SPRED2: variants seen among roughly 807,000 people sequenced by gnomAD.
The protein encoded by SPRED2 is sprouty related EVH1 domain containing 2.
In SPRED2, 47 loss-of-function variants were observed where a neutral mutation model predicts 43.0. That is an observed-to-expected ratio of 1.09 (90% CI 0.87 to 1.40). SPRED2 has a LOEUF of 1.40. SPRED2 is among the 40% of genes most tolerant of loss of function. The pLI is 0.00. For missense variants in SPRED2, 561 were observed against 586.4 expected (o/e 0.96, Z 0.45); for synonymous variants, 225 against 225.7 (o/e 1.00, Z 0.03).
chr2:65,339,303 G>A (rs539666429), intron 2 of SPRED2, among the ~76,000 whole-genome samples: 80 of 152,128 alleles, frequency 5.3e-4, no homozygotes, highest in East Asian at 4.1e-3. Context: ...GGTGGGGAAA[G>A]GATTGAGAAA....
At chr2:65,334,409 T>G (rs17533992) in intron 3 of SPRED2, 196 bp downstream of exon 3, 78,995 of 644,638 alleles carry the variant, frequency 0.12, 6,643 homozygotes, top group Non-Finnish European at 0.16. Context: ...CTCCTTACTC[T>G]GAAACCCATC....
chr2:65,352,071 T>C (rs1370396576), intron 1 of SPRED2, among the ~76,000 whole-genome samples: 2 of 152,214 alleles, frequency 1.3e-5, no homozygotes, highest in African/African-American at 4.8e-5. Flanking sequence ...ACCACCAAAA[T>C]ATGTACTGTT....
intron 1 of SPRED2, among the ~76,000 whole-genome samples, chr2:65,411,356 C>A (rs1676154543): frequency 6.6e-6 from 1 of 152,138 alleles, no homozygotes; most frequent in Non-Finnish European, 1.5e-5. Context: ...GGTGGGAGGG[C>A]GATTGAATTG....
At chr2:65,387,004 C>A (rs530365340) in intron 1 of SPRED2, among the ~76,000 whole-genome samples, 12 of 148,040 alleles carry the variant, frequency 8.1e-5, no homozygotes, top group African/African-American at 3.0e-4. Context: ...TTAAGTTGAA[C>A]CTGGTTCTAA....
At chr2:65,322,534 C>T (rs1673463133) in intron 4 of SPRED2, among the ~76,000 whole-genome samples, 1 of 151,940 alleles carries the variant, frequency 6.6e-6, no homozygotes, top group Admixed American at 6.6e-5. Context: ...ACCTCGTTAT[C>T]CACCTGCCTT....
Position 65,311,817 on chromosome 2 carries a change from A to G in SPRED2, c.*1684T>C. The stretch of plus-strand genomic sequence containing the variant: ...ATCGATGAGCTTGTGGACGAGCTGG[A>G]AACAGCCCCATGAAGGTGAGCACAG... On this transcript the variant is annotated 3_prime_UTR_variant, in exon 6 of 6. Transcript: ENST00000356388. 1.0e-6 allele frequency: 1 copy of G among 985,500 alleles called. No homozygotes were observed. Among genetic ancestry groups the G allele is most frequent in the Non-Finnish European group, 1.2e-6 (1 of 829,952 alleles). 61.0% of individuals were successfully genotyped at this position (985,500 alleles called of 1,614,324 possible). A position where few individuals can be genotyped will look rare whatever the true frequency, so the allele number is the denominator to read the frequency against.
In SPRED2 at chr2:65,316,882, G is replaced by GT; in HGVS notation, c.439dup (p.Thr147AsnfsTer8). ...GGAATTAGAAGAACTGTCTGTAGCTGTCTGTGTAGAGGGAGGTAACCAAGA... is the reference window on the plus strand; with the variant it reads ...GGAATTAGAAGAACTGTCTGTAGCTGTTCTGTGTAGAGGGAGGTAACCAAGA... On this transcript the variant is annotated frameshift_variant and splice_region_variant, in exon 5 of 6. Coordinates refer to ENST00000356388, the MANE Select transcript of SPRED2 (RefSeq NM_181784.3). LOFTEE classifies it high-confidence loss of function. 1 of 1,613,680 alleles carries GT rather than the reference G, an allele frequency of 6.2e-7. No homozygotes were observed.
Position 65,311,760 on chromosome 2 carries a change from T to C in SPRED2, c.*1741A>G. On this transcript the variant is annotated 3_prime_UTR_variant, in exon 6 of 6. Transcript: ENST00000356388. ...TCTACTAACTGACTCATAAGCACACTGGGTATTTACACCGGTAATCTACTA... is the reference window on the plus strand; with the variant it reads ...TCTACTAACTGACTCATAAGCACACCGGGTATTTACACCGGTAATCTACTA... 1 of 985,458 alleles carries C rather than the reference T, an allele frequency of 1.0e-6. No homozygotes were observed. Among genetic ancestry groups the C allele is most frequent in the Non-Finnish European group, 1.2e-6 (1 of 829,936 alleles). The allele number at this position is 985,458 out of a possible 1,614,324, so 61.0% of individuals were successfully genotyped here.
chr2:65,416,506 T>C (rs1421831246), intron 1 of SPRED2, among the ~76,000 whole-genome samples: 1 of 152,152 alleles, frequency 6.6e-6, no homozygotes, highest in Non-Finnish European at 1.5e-5. Flanking sequence ...CCTCACAGTT[T>C]AGCCTCACAA....
intron 1 of SPRED2, among the ~76,000 whole-genome samples, chr2:65,367,644 C>T (rs1675013139): frequency 6.6e-6 from 1 of 152,128 alleles, no homozygotes; most frequent in South Asian, 2.1e-4. Flanking sequence ...GTGAGTGTTG[C>T]ATCAACCTCC....
chr2:65,404,410 C>T (rs2103737324), intron 1 of SPRED2, among the ~76,000 whole-genome samples: 1 of 152,314 alleles, frequency 6.6e-6, no homozygotes, highest in East Asian at 1.9e-4. Flanking sequence ...GTATATACTA[C>T]TTGTCTATGC....
intron 1 of SPRED2, among the ~76,000 whole-genome samples, chr2:65,426,442 G>A (rs1676559982): frequency 6.6e-6 from 1 of 152,178 alleles, no homozygotes; most frequent in African/African-American, 2.4e-5. Context: ...ATGGTGTTGG[G>A]CCAACAACTA....
chr2:65,365,737 G>A (rs568020438), intron 1 of SPRED2, among the ~76,000 whole-genome samples: 1 of 152,254 alleles, frequency 6.6e-6, no homozygotes, highest in East Asian at 1.9e-4. Context: ...GACTCACAAA[G>A]TATTTTTTTA....
At chr2:65,413,094 C>A (rs1025415356) in intron 1 of SPRED2, among the ~76,000 whole-genome samples, 7 of 152,198 alleles carry the variant, frequency 4.6e-5, no homozygotes, top group Admixed American at 2.6e-4. Flanking sequence ...ATCCTTGCCT[C>A]AGAACCAATA....
At chr2:65,369,806 A>G (rs915319618) in intron 1 of SPRED2, among the ~76,000 whole-genome samples, 5 of 152,230 alleles carry the variant, frequency 3.3e-5, no homozygotes, top group African/African-American at 7.2e-5. Context: ...AAGGAGTAGT[A>G]TAGCTTGCTG....
rs766731154 is a variant in SPRED2 at position 65,314,147 on chromosome 2, T to A, written c.611A>T (p.Gln204Leu). 1 of 1,599,202 alleles carries A rather than the reference T, an allele frequency of 6.3e-7. No individual in the cohort carries two copies. The highest frequency in any genetic ancestry group is 8.6e-7 in the Non-Finnish European group (1 of 1,168,158). Residue 204 changes from glutamine to leucine, a missense_variant, in exon 6 of 6, where the codon CAG (glutamine) becomes CTG (leucine). Physicochemically the swap from Gln to Leu is moderately radical, Grantham distance 113. Coordinates refer to ENST00000356388, the MANE Select transcript of SPRED2 (RefSeq NM_181784.3). ...LDQPMPRPYR[Q>L]VSFPDDDEEI... Reference sequence around the variant, plus strand: ...CTCGTCGTCGTCCGGGAAGCTCACCTGGCGGTAGGGCCTTGGCATCGGCTG... The same window carrying A: ...CTCGTCGTCGTCCGGGAAGCTCACCAGGCGGTAGGGCCTTGGCATCGGCTG...
At chr2:65,331,389 C>G in intron 4 of SPRED2, among the ~76,000 whole-genome samples, 1 of 152,204 alleles carries the variant, frequency 6.6e-6, no homozygotes. Flanking sequence ...AAGCAGCAAG[C>G]TGAGAAATCA....
chr2:65,379,680 G>C (rs1675326731), intron 1 of SPRED2, among the ~76,000 whole-genome samples: 1 of 152,114 alleles, frequency 6.6e-6, no homozygotes, highest in Non-Finnish European at 1.5e-5. Context: ...TGAAACCTTA[G>C]TTACTATGCT....
At chr2:65,350,503 A>G (rs1674476587) in intron 1 of SPRED2, among the ~76,000 whole-genome samples, 1 of 152,112 alleles carries the variant, frequency 6.6e-6, no homozygotes, top group South Asian at 2.1e-4. Flanking sequence ...AGCCCTCAAT[A>G]CCATATTCTT....
Sources: allele counts gnomAD v4.1 joint callset (sites outside exome capture counted in the v4.1 genomes callset), GRCh38; gene constraint gnomAD v4.1.1; transcripts MANE v1.5; gene names NCBI Gene and HGNC (gene_info 2026-07-23, HGNC 2026-07-21).